EEFSEC: variants seen among roughly 807,000 people sequenced by gnomAD.
EEFSEC encodes the protein eukaryotic elongation factor, selenocysteine-tRNA specific, also known as selenocysteine-specific elongation factor.
A neutral mutation model predicts 42.1 loss-of-function variants in EEFSEC; 43 were observed. The ratio of observed to expected loss-of-function variants is 1.02; its 90% CI spans 0.80 to 1.32. EEFSEC has a LOEUF of 1.32. Ranked by LOEUF, EEFSEC falls within the 40% of genes most tolerant of loss-of-function variation. EEFSEC has a pLI of 0.00. For missense variants in EEFSEC, 745 were observed against 803.6 expected (o/e 0.93, Z 0.88); for synonymous variants, 354 against 339.1 (o/e 1.04, Z -0.48).
At chr3:128,412,455 G>A (rs746156780), downstream of EEFSEC, among the ~76,000 whole-genome samples, 2 of 152,244 alleles carry the variant, frequency 1.3e-5, no homozygotes, top group African/African-American at 4.8e-5. Flanking sequence ...GTCCTCTGAG[G>A]CAGGGACTGG....
At chr3:128,405,276 A>G (rs1429986748) in intron 6 of EEFSEC, among the ~76,000 whole-genome samples, 1 of 152,190 alleles carries the variant, frequency 6.6e-6, no homozygotes, top group Non-Finnish European at 1.5e-5. Flanking sequence ...TCGGCCTCCC[A>G]AAGTGCTAGG....
At chr3:128,416,246 C>T in the EEFSEC span, among the ~76,000 whole-genome samples, 4 of 152,164 alleles carry the variant, frequency 2.6e-5, no homozygotes, top group African/African-American at 7.2e-5. Context: ...CAGGGCCCAC[C>T]CTGCCCCTGG....
chr3:128,349,261 G>A (rs977889128), intron 5 of EEFSEC, among the ~76,000 whole-genome samples: 2 of 152,132 alleles, frequency 1.3e-5, no homozygotes, highest in Non-Finnish European at 2.9e-5. Flanking sequence ...GGGGGCTATG[G>A]GGGGTGTTCT....
At chr3:128,374,309 T>G (rs1296991112) in intron 6 of EEFSEC, among the ~76,000 whole-genome samples, 3 of 152,244 alleles carry the variant, frequency 2.0e-5, no homozygotes, top group Admixed American at 2.0e-4. Flanking sequence ...CTCCAAGGGC[T>G]GTGCTTGTAG....
At chr3:128,197,427 C>T (rs1361725417) in intron 1 of EEFSEC, among the ~76,000 whole-genome samples, 1 of 152,148 alleles carries the variant, frequency 6.6e-6, no homozygotes, top group South Asian at 2.1e-4. Context: ...CATGCCATCA[C>T]GCCCAGCTAA....
At chr3:128,402,658 GTA>G (rs1420055072) in intron 6 of EEFSEC, among the ~76,000 whole-genome samples, 2 of 152,192 alleles carry the variant, frequency 1.3e-5, no homozygotes, top group African/African-American at 2.4e-5. Flanking sequence ...ATCTTCTGCC[GTA>G]TCTCAGACCA....
chr3:128,377,549 T>C (rs895174482), intron 6 of EEFSEC, among the ~76,000 whole-genome samples: 1 of 152,266 alleles, frequency 6.6e-6, no homozygotes, highest in African/African-American at 2.4e-5. Context: ...TTCAGTCATG[T>C]GGCCATTGTT....
chr3:128,255,543 G>C (rs1304256604), intron 2 of EEFSEC, among the ~76,000 whole-genome samples: 1 of 152,208 alleles, frequency 6.6e-6, no homozygotes, highest in Non-Finnish European at 1.5e-5. Context: ...GCTCTTGGGA[G>C]CCCTTTGTGT....
intron 1 of EEFSEC, among the ~76,000 whole-genome samples, chr3:128,209,300 G>T (rs2065731749): frequency 6.6e-6 from 1 of 152,228 alleles, no homozygotes. Context: ...TGGAAACCTG[G>T]TTTAGGCAAG....
chr3:128,375,308 T>C (rs1325424079), intron 6 of EEFSEC, among the ~76,000 whole-genome samples: 3 of 152,228 alleles, frequency 2.0e-5, no homozygotes, highest in Admixed American at 6.5e-5. Flanking sequence ...TGCCTCTTCA[T>C]GTGCCATCTT....
intron 1 of EEFSEC, among the ~76,000 whole-genome samples, chr3:128,164,609 T>C (rs2065226423): frequency 6.6e-6 from 1 of 152,148 alleles, no homozygotes; most frequent in Non-Finnish European, 1.5e-5. Context: ...CCAGTCCAAC[T>C]GGCTTGTGGG....
chr3:128,278,600 A>G lies in EEFSEC; in HGVS notation c.786+13819A>G, dbSNP rs144625736. Among the ~76,000 whole-genome samples, 392 of 152,358 alleles carry G rather than the reference A, an allele frequency of 2.6e-3. 3 individuals are homozygous for G. Among genetic ancestry groups the G allele is most frequent in the African/African-American group, 9.0e-3 (374 of 41,590 alleles). On this transcript the variant is annotated intron_variant, in intron 4 of 6. Coordinates refer to ENST00000254730, the MANE Select transcript of EEFSEC (RefSeq NM_021937.5). ...TATTTATGTGCTGTTGGTGGCTCCA[A>G]CCTTGGTAGTTGGGGCCTCTGGCTA... is the stretch of plus-strand genomic sequence containing the variant.
chr3:128,279,970 T>G (rs2066508759), intron 4 of EEFSEC, among the ~76,000 whole-genome samples: 1 of 152,210 alleles, frequency 6.6e-6, no homozygotes, highest in Non-Finnish European at 1.5e-5. Flanking sequence ...CACGTGCCCA[T>G]CGAACACGAT....
At chr3:128,418,541 C>T in the EEFSEC span, among the ~76,000 whole-genome samples, 3 of 151,842 alleles carry the variant, frequency 2.0e-5, no homozygotes, top group Admixed American at 6.6e-5. Flanking sequence ...TAGCATCCCC[C>T]GTGCCCCACA....
chr3:128,305,013 A>G (rs2066811426), intron 4 of EEFSEC, among the ~76,000 whole-genome samples: 1 of 152,196 alleles, frequency 6.6e-6, no homozygotes. Flanking sequence ...TGTTGTTTGT[A>G]ATTTTAATGA....
chr3:128,156,096 G>A (rs1017643830), intron 1 of EEFSEC, among the ~76,000 whole-genome samples: 46 of 152,230 alleles, frequency 3.0e-4, no homozygotes, highest in African/African-American at 1.1e-3. Context: ...TAGTAAATAG[G>A]GTAGATGAGT....
chr3:128,365,894 T>A (rs977886567), intron 6 of EEFSEC, among the ~76,000 whole-genome samples: 1 of 152,248 alleles, frequency 6.6e-6, no homozygotes, highest in African/African-American at 2.4e-5. Context: ...ATCCCCCAGA[T>A]GCCCCGCTTT....
At chr3:128,363,607 G>A (rs1333115252) in intron 6 of EEFSEC, among the ~76,000 whole-genome samples, 1 of 152,226 alleles carries the variant, frequency 6.6e-6, no homozygotes, top group Non-Finnish European at 1.5e-5. Context: ...AGAGGGTCCT[G>A]AGGAGGGCTC....
intron 6 of EEFSEC, among the ~76,000 whole-genome samples, chr3:128,365,765 G>T (rs1365688589): frequency 1.3e-5 from 2 of 152,194 alleles, no homozygotes; most frequent in Non-Finnish European, 2.9e-5. Context: ...TTCAAGCAGG[G>T]ATTGGCTGTG....
Sources: allele counts gnomAD v4.1 joint callset (sites outside exome capture counted in the v4.1 genomes callset), GRCh38; gene constraint gnomAD v4.1.1; transcripts MANE v1.5; gene names NCBI Gene and HGNC (gene_info 2026-07-23, HGNC 2026-07-21).